EPHA5: variants seen among roughly 807,000 people sequenced by gnomAD.
EPHA5 encodes EPH receptor A5, also known as ephrin type-A receptor 5.
In EPHA5, 60 loss-of-function variants were observed where a neutral mutation model predicts 105.0. The observed-to-expected ratio is 0.57, with a 90% CI of 0.46 to 0.71. The LOEUF (loss-of-function observed/expected upper bound fraction) is 0.71, where lower values mean the gene tolerates loss of function less well. EPHA5 is among the 30% of genes least tolerant of loss of function. EPHA5 has a pLI of 0.00. For synonymous variants in EPHA5, 513 were observed against 449.1 expected (o/e 1.14, Z -1.80); for missense variants, 1,218 against 1,274.7 (o/e 0.96, Z 0.68).
intron 3 of EPHA5, among the ~76,000 whole-genome samples, chr4:65,594,178 G>T (rs1341538670): frequency 6.6e-6 from 1 of 152,038 alleles, no homozygotes; most frequent in Non-Finnish European, 1.5e-5. Flanking sequence ...AGCTTTTTGT[G>T]AGGTCTTTAT....
intron 1 of EPHA5, among the ~76,000 whole-genome samples, chr4:65,659,332 A>G (rs1749347156): frequency 4.1e-5 from 1 of 24,582 alleles, no homozygotes; most frequent in Non-Finnish European, 9.0e-5. Flanking sequence ...AAAAAAAAAA[A>G]AAAAAAAAAA....
At chr4:65,406,035 C>A (rs1722324850) in intron 7 of EPHA5, among the ~76,000 whole-genome samples, 1 of 152,032 alleles carries the variant, frequency 6.6e-6, no homozygotes, top group African/African-American at 2.4e-5. Flanking sequence ...CTAGTAAAAT[C>A]ATCCCCGTAA....
At chr4:65,624,438 CAG>C (rs1019118442) in intron 2 of EPHA5, among the ~76,000 whole-genome samples, 1 of 152,118 alleles carries the variant, frequency 6.6e-6, no homozygotes, top group Non-Finnish European at 1.5e-5. Context: ...TGCCTACAGA[CAG>C]GGGCAAGAAC....
chr4:65,333,391 G>C (rs1183476859), intron 15 of EPHA5, among the ~76,000 whole-genome samples: 1 of 151,526 alleles, frequency 6.6e-6, no homozygotes, highest in Non-Finnish European at 1.5e-5. Flanking sequence ...GCCAAAATCT[G>C]TGAGCACTTT....
intron 2 of EPHA5, among the ~76,000 whole-genome samples, chr4:65,641,098 T>C (rs1285699402): frequency 6.6e-6 from 1 of 152,008 alleles, no homozygotes; most frequent in East Asian, 1.9e-4. Flanking sequence ...TTCTAGAGAG[T>C]TCTCAAACAT....
intron 3 of EPHA5, among the ~76,000 whole-genome samples, chr4:65,505,567 C>A (rs1578277062): frequency 6.6e-6 from 1 of 152,022 alleles, no homozygotes; most frequent in African/African-American, 2.4e-5. Context: ...TTAGAGAAAG[C>A]ATAAAGCCAA....
intron 3 of EPHA5, among the ~76,000 whole-genome samples, chr4:65,576,363 T>C (rs1443306504): frequency 6.6e-6 from 1 of 152,212 alleles, no homozygotes; most frequent in Non-Finnish European, 1.5e-5. Flanking sequence ...CAAATATCGT[T>C]CACCAGAAGA....
intron 3 of EPHA5, among the ~76,000 whole-genome samples, chr4:65,519,482 C>G (rs1316245244): frequency 6.6e-6 from 1 of 152,094 alleles, no homozygotes; most frequent in Non-Finnish European, 1.5e-5. Context: ...CAGGGATGCC[C>G]TCTCTCACCA....
chr4:65,411,734 A>T (rs1722928805), intron 7 of EPHA5, among the ~76,000 whole-genome samples: 1 of 152,184 alleles, frequency 6.6e-6, no homozygotes, highest in South Asian at 2.1e-4. Context: ...TTCAGAAAAT[A>T]CTACAAAAAT....
chr4:65,559,351 A>G (rs148532468), intron 3 of EPHA5, among the ~76,000 whole-genome samples: 9 of 152,174 alleles, frequency 5.9e-5, no homozygotes, highest in Admixed American at 2.6e-4. Context: ...ACACATAAGG[A>G]TTTGAATGAA....
intron 3 of EPHA5, among the ~76,000 whole-genome samples, chr4:65,571,710 T>C (rs573041916): frequency 2.6e-5 from 4 of 152,204 alleles, no homozygotes; most frequent in Non-Finnish European, 4.4e-5. Flanking sequence ...AATAAAAATA[T>C]GTATTTTTGT....
At chr4:65,439,515 G>C (rs1041214336) in intron 5 of EPHA5, among the ~76,000 whole-genome samples, 1 of 141,098 alleles carries the variant, frequency 7.1e-6, no homozygotes, top group East Asian at 2.3e-4. Context: ...TATAGTCCAA[G>C]AGTTCATATC....
intron 12 of EPHA5, among the ~76,000 whole-genome samples, chr4:65,352,725 C>T (rs1722933515): frequency 6.6e-6 from 1 of 151,600 alleles, no homozygotes; most frequent in Non-Finnish European, 1.5e-5. Context: ...TCCTTTTTTC[C>T]CTTTTTACAT....
intron 3 of EPHA5, among the ~76,000 whole-genome samples, chr4:65,595,573 C>A (rs1159190943): frequency 7.0e-6 from 1 of 143,206 alleles, no homozygotes; most frequent in East Asian, 2.1e-4. Context: ...TATATAATAT[C>A]TCACAAGATT....
At chr4:65,509,521 G>A (rs1207489657) in intron 3 of EPHA5, among the ~76,000 whole-genome samples, 5 of 152,136 alleles carry the variant, frequency 3.3e-5, no homozygotes, top group Admixed American at 1.3e-4. Context: ...TATAGGGATG[G>A]TTAGAAAACA....
chr4:65,578,316 G>C (rs555463388), intron 3 of EPHA5, among the ~76,000 whole-genome samples: 3 of 152,160 alleles, frequency 2.0e-5, no homozygotes, highest in African/African-American at 7.2e-5. Context: ...ATAGTTTTAT[G>C]CTAAAAAAAA....
At chr4:65,669,395 CA>C in intron 1 of EPHA5, 166 bp downstream of exon 1, 1 of 985,258 alleles carries the variant, frequency 1.0e-6, no homozygotes, top group Middle Eastern at 5.2e-4. Context: ...CCAAAAACCG[CA>C]GAGGGGAGCG....
At chr4:65,353,253 T>G (rs1369474394) in intron 11 of EPHA5, 150 bp from the exon 12 acceptor site, 2 of 90,874 alleles carry the variant, frequency 2.2e-5, no homozygotes, top group African/African-American at 8.2e-5. Context: ...AAAATAAAAT[T>G]TATTAAATGA....
chr4:65,663,378 C>T (rs1005839983), intron 1 of EPHA5, among the ~76,000 whole-genome samples: 3 of 151,952 alleles, frequency 2.0e-5, no homozygotes, highest in East Asian at 3.8e-4. Flanking sequence ...AAGTGGGACA[C>T]CTACTAAATT....
Sources: allele counts gnomAD v4.1 joint callset (sites outside exome capture counted in the v4.1 genomes callset), GRCh38; gene constraint gnomAD v4.1.1; transcripts MANE v1.5; gene names NCBI Gene and HGNC (gene_info 2026-07-23, HGNC 2026-07-21).